The following ATPAF2 variants were observed in gnomAD, a reference collection of about 807,000 sequenced individuals.
ATPAF2 encodes the protein ATP synthase mitochondrial F1 complex assembly factor 2.
In ATPAF2, 30 loss-of-function variants were observed where a neutral mutation model predicts 36.6. That is an observed-to-expected ratio of 0.82 (90% CI 0.61 to 1.11). ATPAF2 has a LOEUF of 1.11. Among genes scored for constraint, ATPAF2 ranks in the 50% most tolerant of loss-of-function variants. ATPAF2 has a pLI of 0.00. For missense variants in ATPAF2, 321 were observed against 372.3 expected (o/e 0.86, Z 1.13); for synonymous variants, 140 against 152.6 (o/e 0.92, Z 0.61).
chr17:18,017,201 A>G (rs111757089), downstream of ATPAF2, among the ~76,000 whole-genome samples: 35 of 143,316 alleles, frequency 2.4e-4, no homozygotes, highest in African/African-American at 9.2e-4. Context: ...AAAAAAAAAA[A>G]AAAAAAATGT....
intron 1 of ATPAF2, among the ~76,000 whole-genome samples, chr17:18,030,671 T>TTTTC (rs1204628291): frequency 3.5e-5 from 5 of 143,724 alleles, no homozygotes; most frequent in African/African-American, 1.3e-4. Flanking sequence ...TTCTTTTTCT[T>TTTTC]TTTTTTTTTT....
chr17:18,022,657 C>T, intron 5 of ATPAF2, among the ~76,000 whole-genome samples: 1 of 142,350 alleles, frequency 7.0e-6, no homozygotes, highest in African/African-American at 2.7e-5. Context: ...GGCTGAAGTG[C>T]AGTGGCATGA....
rs2044750111 is a variant in ATPAF2 at position 18,038,984 on chromosome 17, G to A, written c.30C>T (p.Asp10=). The change falls in exon 1 of 8, where the codon GAC becomes GAT. Residue 10 remains aspartate, a synonymous_variant. Transcript: ENST00000474627. ...GCCGATTCAGGAGACGGCGTCCCCC[G>A]TCCCGCAGCCGGAGGCAGCTCCTCC... is the stretch of plus-strand genomic sequence containing the variant. The part of the protein sequence containing the change: MWRSCLRLR[D]GGRRLLNRPA... 6.2e-7 allele frequency: 1 copy of A among 1,611,704 alleles called. No individual in the cohort carries two copies. Among genetic ancestry groups the A allele is most frequent in the Non-Finnish European group, 8.5e-7 (1 of 1,178,976 alleles).
chr17:18,026,055 C>T (rs1259118153), intron 4 of ATPAF2: 6 of 558,472 alleles, frequency 1.1e-5, no homozygotes, highest in Non-Finnish European at 1.9e-5. Flanking sequence ...GTCACGGCAC[C>T]TGCAAGAGCT....
At chr17:18,016,346 C>A (rs894008562), downstream of ATPAF2, 2 of 953,954 alleles carry the variant, frequency 2.1e-6, no homozygotes, top group African/African-American at 3.3e-5. Flanking sequence ...CTGAAGACAA[C>A]ATTGCCCAGA....
intron 1 of ATPAF2, among the ~76,000 whole-genome samples, chr17:18,033,391 G>T (rs1048923687): frequency 6.7e-6 from 1 of 150,110 alleles, no homozygotes; most frequent in South Asian, 2.1e-4. Flanking sequence ...AACATGATCT[G>T]GACAATTCGT....
chr17:18,017,289 T>G (rs1373402246), downstream of ATPAF2, among the ~76,000 whole-genome samples: 2 of 148,918 alleles, frequency 1.3e-5, no homozygotes, highest in Non-Finnish European at 3.0e-5. Context: ...CCAAGGGCAC[T>G]GCCATCAGCT....
Position 18,026,378 on chromosome 17 carries a change from C to T in ATPAF2, c.363G>A (p.Gln121=). Residue 121 remains glutamine (Q), a synonymous_variant, in exon 4 of 8, where the codon CAG becomes CAA. Transcript: ENST00000474627. ...LCNTSLDNPT[Q]RNKDQLIRAA... Reference sequence around the variant, plus strand: ...CCCGGATCAGCTGATCCTTGTTTCTCTGGGTTGGGTTGTCCAATGATGTGT... The same window carrying T: ...CCCGGATCAGCTGATCCTTGTTTCTTTGGGTTGGGTTGTCCAATGATGTGT... The T allele has an allele frequency of 6.2e-7, 1 of 1,614,230 alleles. No homozygotes were observed. Among genetic ancestry groups the T allele is most frequent in the Non-Finnish European group, 8.5e-7 (1 of 1,180,046 alleles).
At chr17:18,034,909 A>C (rs1299815289) in intron 1 of ATPAF2, among the ~76,000 whole-genome samples, 4 of 152,222 alleles carry the variant, frequency 2.6e-5, no homozygotes, top group African/African-American at 7.2e-5. Flanking sequence ...AATAAAGAAG[A>C]ATGGAGTCAT....
chr17:18,015,266 G>A (rs1164313428), downstream of ATPAF2: 2 of 152,146 alleles, frequency 1.3e-5, no homozygotes, highest in African/African-American at 2.4e-5. Context: ...CTACAGGAAA[G>A]AACAAAAAAT....
At chr17:18,016,847 G>A, downstream of ATPAF2, 1 of 475,226 alleles carries the variant, frequency 2.1e-6, no homozygotes. Flanking sequence ...GAAAATAAAG[G>A]ACTCATTTCA....
At chr17:18,016,842 TA>T, downstream of ATPAF2, 1 of 449,648 alleles carries the variant, frequency 2.2e-6, no homozygotes, top group South Asian at 3.4e-5. Flanking sequence ...GTAGAGAAAA[TA>T]AAGGACTCAT....
chr17:18,018,760 A>G, intron 7 of ATPAF2, 74 bp from the exon 8 acceptor site: 1 of 1,608,768 alleles, frequency 6.2e-7, no homozygotes, highest in South Asian at 1.1e-5. Flanking sequence ...GCCACGTTCC[A>G]TTCCAATAGG....
At chr17:18,038,738 C>T in intron 1 of ATPAF2, 143 bp downstream of exon 1, 5 of 1,216,388 alleles carry the variant, frequency 4.1e-6, no homozygotes, top group Non-Finnish European at 5.9e-6. Flanking sequence ...GCTTCACTTT[C>T]TCATCTGTAA....
At position 18,038,937 on chromosome 17, in the gene ATPAF2, G is replaced by A. The variant is rs149155297; in HGVS notation, c.77C>T (p.Ser26Phe). ...CGGGATGGTTGGCCCCGGACTCATAGAAGCGCTGGGGCCACCCGCCGGCCG... is the reference window on the plus strand; with the variant it reads ...CGGGATGGTTGGCCCCGGACTCATAAAAGCGCTGGGGCCACCCGCCGGCCG... ...LNRPAGGPSA[S>F]MSPGPTIPSP... The change falls in exon 1 of 8, where the codon TCT (serine) becomes TTT (phenylalanine). Residue 26 changes from serine to phenylalanine, a missense_variant. Coordinates refer to ENST00000474627, the MANE Select transcript of ATPAF2 (RefSeq NM_145691.4). 21 of 1,609,010 alleles carry A rather than the reference G, an allele frequency of 1.3e-5. No individual in the cohort carries two copies. The highest frequency in any genetic ancestry group is 1.8e-5 in the Non-Finnish European group (21 of 1,178,102).
chr17:18,016,543 G>A, downstream of ATPAF2: 1 of 1,579,850 alleles, frequency 6.3e-7, no homozygotes. Flanking sequence ...ATCGGGCTTT[G>A]GTTTCACTCC....
At chr17:18,015,496 A>AGAGCGAG, downstream of ATPAF2, 1 of 152,828 alleles carries the variant, frequency 6.5e-6, no homozygotes, top group Admixed American at 6.5e-5. Flanking sequence ...TGTTTCTAAC[A>AGAGCGAG]ACTTTTTACA....
At chr17:18,024,786 ACAAC>A in intron 4 of ATPAF2, 82 bp from the exon 5 acceptor site, 6 of 1,269,246 alleles carry the variant, frequency 4.7e-6, no homozygotes, top group Non-Finnish European at 6.8e-6. Context: ...AACACAAAGG[ACAAC>A]AGCAAAAACT....
intron 5 of ATPAF2, among the ~76,000 whole-genome samples, chr17:18,022,251 C>A (rs2044480290): frequency 6.6e-6 from 1 of 152,174 alleles, no homozygotes; most frequent in Non-Finnish European, 1.5e-5. Flanking sequence ...AAATGGTTTT[C>A]CTTAAAATAA....
Sources: allele counts gnomAD v4.1 joint callset (sites outside exome capture counted in the v4.1 genomes callset), GRCh38; gene constraint gnomAD v4.1.1; transcripts MANE v1.5; gene names NCBI Gene and HGNC (gene_info 2026-07-23, HGNC 2026-07-21).